The following CTTNBP2 variants were observed in gnomAD, a reference collection of about 807,000 sequenced individuals.
CTTNBP2 encodes cortactin binding protein 2.
Under a neutral mutation model 156.9 loss-of-function variants are expected in CTTNBP2, and 108 were observed. The ratio of observed to expected loss-of-function variants is 0.69; its 90% confidence interval spans 0.59 to 0.81. CTTNBP2 has a LOEUF of 0.81. Ranked by LOEUF, CTTNBP2 falls within the 30% of genes least tolerant of loss-of-function variation. The probability of loss-of-function intolerance (pLI) is 0.00; values close to 1 mark genes in which losing one functional copy is unlikely to be tolerated. For missense variants in CTTNBP2, 1,924 were observed against 2,035.4 expected (o/e 0.95, Z 1.05); for synonymous variants, 767 against 751.8 (o/e 1.02, Z -0.33).
intron 2 of CTTNBP2, among the ~76,000 whole-genome samples, chr7:117,859,323 T>C (rs1322136493): frequency 2.0e-5 from 3 of 152,234 alleles, no homozygotes; most frequent in Non-Finnish European, 4.4e-5. Context: ...AGCCTTTACG[T>C]CTACTCTCAC....
chr7:117,859,226 C>T (rs1368317950), intron 2 of CTTNBP2, among the ~76,000 whole-genome samples: 4 of 152,112 alleles, frequency 2.6e-5, no homozygotes, highest in Non-Finnish European at 5.9e-5. Context: ...AAAACACTGA[C>T]CTACAATATC....
chr7:117,791,396 C>A lies in CTTNBP2; in HGVS notation c.1800G>T (p.Glu600Asp), dbSNP rs778806908. The A allele has an allele frequency of 3.7e-6, 6 of 1,614,156 alleles. No homozygotes were observed. The East Asian group carries it at 1.3e-4, about 36-fold the overall frequency. ...GGGAGGATGACTTAGGAAGGTTCTC[C>A]TCATTGATCACCCTGTTCCCTTGTG... ...SLPQGNRVIN[E>D]ENLPKSSSPQ... The change falls in exon 4 of 23, where the codon GAG becomes GAT. Residue 600 changes from glutamate (E) to aspartate (D), a missense_variant. By Grantham distance (45) the Glu-to-Asp change is conservative (BLOSUM62 2). Coordinates refer to ENST00000160373, the MANE Select transcript of CTTNBP2 (RefSeq NM_033427.3).
intron 7 of CTTNBP2, among the ~76,000 whole-genome samples, chr7:117,780,107 A>T (rs575832858): frequency 6.6e-6 from 1 of 152,290 alleles, no homozygotes; most frequent in South Asian, 2.1e-4. Context: ...TACTTAAGAA[A>T]ATCCAGGATC....
intron 1 of CTTNBP2, among the ~76,000 whole-genome samples, chr7:117,864,950 C>CATATATATTCATTCA (rs1554451906): frequency 1.4e-4 from 20 of 141,858 alleles, no homozygotes; most frequent in African/African-American, 5.2e-4. Flanking sequence ...AATATATATT[C>CATATATATTCATTCA]ATATATATTC....
At chr7:117,759,659 A>C (rs1281130204) in intron 10 of CTTNBP2, among the ~76,000 whole-genome samples, 1 of 152,240 alleles carries the variant, frequency 6.6e-6, no homozygotes, top group Non-Finnish European at 1.5e-5. Flanking sequence ...TCTATCAGAC[A>C]GAATATGATT....
chr7:117,790,190 T>C (rs1348818849), intron 4 of CTTNBP2, among the ~76,000 whole-genome samples: 2 of 152,284 alleles, frequency 1.3e-5, no homozygotes, highest in South Asian at 2.1e-4. Flanking sequence ...GTCATCCACA[T>C]TTTGAGGGGT....
intron 17 of CTTNBP2, among the ~76,000 whole-genome samples, chr7:117,727,388 T>G (rs1795149885): frequency 6.6e-6 from 1 of 151,984 alleles, no homozygotes; most frequent in African/African-American, 2.4e-5. Flanking sequence ...AGAGATGGGG[T>G]CTCACTACGT....
chr7:117,792,697 T>A lies in CTTNBP2; in HGVS notation c.499A>T (p.Asn167Tyr). The A allele has an allele frequency of 1.2e-6, 2 of 1,613,306 alleles. No individual in the cohort carries two copies. Among genetic ancestry groups the A allele is most frequent in the African/African-American group, 1.3e-5 (1 of 75,002 alleles). Residue 167 changes from asparagine (N) to tyrosine (Y), a missense_variant, in exon 4 of 23, where the codon AAC (asparagine) becomes TAC (tyrosine). Asn to Tyr is a moderately radical substitution (Grantham distance 143). Coordinates refer to ENST00000160373, the MANE Select transcript of CTTNBP2 (RefSeq NM_033427.3). This position sits in a 1 kb window ranked among gnomAD's most constrained non-coding sequence, Gnocchi z 4.2. ...AARLEEERGKNKQVVLMLVKE... is the reference protein window; with the variant it reads ...AARLEEERGKYKQVVLMLVKE... ...ACCAGCATCAGGACCACCTGCTTGT[T>A]CTTGCCACGCTCTTCCTCAAGGCGG...
chr7:117,812,245 A>C (rs1484389031), intron 2 of CTTNBP2, among the ~76,000 whole-genome samples: 2 of 152,232 alleles, frequency 1.3e-5, no homozygotes, highest in East Asian at 3.9e-4. Flanking sequence ...AGCTAGCAAC[A>C]TTTTCCTAAT....
intron 2 of CTTNBP2, among the ~76,000 whole-genome samples, chr7:117,846,086 C>G (rs1042073579): frequency 6.6e-6 from 1 of 151,856 alleles, no homozygotes; most frequent in East Asian, 1.9e-4. Context: ...CTCCTGACCT[C>G]GTGATCCGCC....
At chr7:117,748,164 T>C (rs914124776) in intron 12 of CTTNBP2, among the ~76,000 whole-genome samples, 5 of 152,134 alleles carry the variant, frequency 3.3e-5, no homozygotes, top group African/African-American at 1.2e-4. Context: ...GGGCCACAAG[T>C]CTGCAGGGAT....
intron 22 of CTTNBP2, among the ~76,000 whole-genome samples, chr7:117,714,666 A>T (rs1011967824): frequency 2.6e-5 from 4 of 152,216 alleles, no homozygotes; most frequent in Admixed American, 2.6e-4. Flanking sequence ...AAGTACCCAG[A>T]ACAACTAAAA....
intron 17 of CTTNBP2, among the ~76,000 whole-genome samples, chr7:117,726,689 G>C (rs1795111461): frequency 6.6e-6 from 1 of 152,254 alleles, no homozygotes; most frequent in Non-Finnish European, 1.5e-5. Flanking sequence ...AGGGTCGACA[G>C]AGTTGCAGCA....
chr7:117,756,653 GA>G lies in CTTNBP2; in HGVS notation c.3269-20del, dbSNP rs1562976821. 1 of 1,481,906 alleles carries G rather than the reference GA, an allele frequency of 6.7e-7. No homozygotes were observed. The highest frequency in any genetic ancestry group is 1.7e-5 in the Admixed American group (1 of 59,796). The allele number at this position is 1,481,906 out of a possible 1,614,324, so 91.8% of individuals were successfully genotyped here. Reference sequence around the variant, plus strand: ...TGAGGACCTGTAGGAAAGGACAGACGAAGAAAAATGGGTGTTCCCTTGTTAA... The same window carrying G: ...TGAGGACCTGTAGGAAAGGACAGACGAGAAAAATGGGTGTTCCCTTGTTAA... On this transcript the variant is annotated intron_variant, in intron 11 of 22. Coordinates refer to ENST00000160373, the MANE Select transcript of CTTNBP2 (RefSeq NM_033427.3).
chr7:117,800,143 T>G (rs1387298443), intron 3 of CTTNBP2, among the ~76,000 whole-genome samples: 12 of 149,944 alleles, frequency 8.0e-5, no homozygotes, highest in Non-Finnish European at 1.5e-5. Context: ...TGCCTTTAAT[T>G]TTTTTTTTTG....
chr7:117,722,162 C>T (rs903977510), intron 19 of CTTNBP2, among the ~76,000 whole-genome samples: 3 of 152,062 alleles, frequency 2.0e-5, no homozygotes, highest in Non-Finnish European at 2.9e-5. Flanking sequence ...ACATCATTGG[C>T]CTTTCTGTTT....
Position 117,784,823 on chromosome 7 carries a change from T to A in CTTNBP2, c.2069-369A>T, listed in dbSNP as rs536856812. Among the ~76,000 whole-genome samples the A allele has an allele frequency of 3.9e-5, 6 of 152,344 alleles. No individual in the cohort carries two copies. The East Asian group carries it at 1.2e-3, about 29-fold the overall frequency. On this transcript the variant is annotated intron_variant, in intron 4 of 22. Coordinates refer to ENST00000160373, the MANE Select transcript of CTTNBP2 (RefSeq NM_033427.3). The stretch of plus-strand genomic sequence containing the variant: ...TTTGAATTTTAAAATGTAAAGGTTT[T>A]ACAAGGTAAAGTTTTCCTCTAATTC...
At chr7:117,823,919 A>T (rs921714082) in intron 2 of CTTNBP2, among the ~76,000 whole-genome samples, 21 of 134,854 alleles carry the variant, frequency 1.6e-4, no homozygotes, top group Non-Finnish European at 3.2e-4. Flanking sequence ...TAATTTCTTT[A>T]TGCTTATTTC....
intron 22 of CTTNBP2, chr7:117,716,062 G>A (rs929986588): frequency 1.3e-5 from 2 of 150,884 alleles, no homozygotes; most frequent in African/African-American, 5.0e-5. Context: ...TGTCTTCAGT[G>A]GGCAAAGGGA....
Sources: allele counts gnomAD v4.1 joint callset (sites outside exome capture counted in the v4.1 genomes callset), GRCh38; gene constraint gnomAD v4.1.1; non-coding constraint Gnocchi (gnomAD v3.1); transcripts MANE v1.5; gene names NCBI Gene and HGNC (gene_info 2026-07-23, HGNC 2026-07-21).